The following SSBP2 variants were observed in gnomAD, a reference collection of about 807,000 sequenced individuals.
SSBP2 encodes single-stranded DNA-binding protein 2.
Under a neutral mutation model 61.8 loss-of-function variants are expected in SSBP2, and 17 were observed. That is an observed-to-expected ratio of 0.28 (90% CI 0.19 to 0.41). The LOEUF (loss-of-function observed/expected upper bound fraction) is 0.41, where lower values mean the gene tolerates loss of function less well. Ranked by LOEUF, SSBP2 falls within the 10% of genes least tolerant of loss-of-function variation. The pLI, the probability that SSBP2 is intolerant of heterozygous loss-of-function variation, is 1.00. For synonymous variants in SSBP2, 139 were observed against 141.3 expected (o/e 0.98, Z 0.12); for missense variants, 310 against 458.7 (o/e 0.68, Z 2.96).
intron 10 of SSBP2, among the ~76,000 whole-genome samples, chr5:81,449,944 C>T (rs1322244901): frequency 6.6e-6 from 1 of 152,138 alleles, no homozygotes; most frequent in Non-Finnish European, 1.5e-5. Context: ...TTTATGGCAG[C>T]AAACATTTAC....
rs148353568 is a variant in SSBP2 at position 81,673,137 on chromosome 5, G to A, written c.63-22798C>T. Reference sequence around the variant, plus strand: ...ATTACAGGCATGAGCCACCACACTCGGTCCAGATATTTACTTTCTAATCAC... The same window carrying A: ...ATTACAGGCATGAGCCACCACACTCAGTCCAGATATTTACTTTCTAATCAC... On this transcript the variant is annotated intron_variant, in intron 1 of 16. Transcript: ENST00000320672. Among the ~76,000 whole-genome samples, 336 of 152,192 alleles carry A rather than the reference G, an allele frequency of 2.2e-3. 1 individual carries two copies. The highest frequency in any genetic ancestry group is 0.014 in the Middle Eastern group (4 of 294).
At chr5:81,665,739 A>C (rs1022406826) in intron 1 of SSBP2, among the ~76,000 whole-genome samples, 1 of 152,166 alleles carries the variant, frequency 6.6e-6, no homozygotes, top group African/African-American at 2.4e-5. Flanking sequence ...TCCTGACCTC[A>C]GGTGATCTAC....
chr5:81,535,284 A>C (rs1770722096), intron 4 of SSBP2, among the ~76,000 whole-genome samples: 1 of 152,142 alleles, frequency 6.6e-6, no homozygotes, highest in African/African-American at 2.4e-5. Context: ...CAAAGAACTA[A>C]ATAAATGGAG....
intron 1 of SSBP2, among the ~76,000 whole-genome samples, chr5:81,700,208 G>A (rs1434451443): frequency 6.6e-6 from 1 of 152,146 alleles, no homozygotes; most frequent in Non-Finnish European, 1.5e-5. Flanking sequence ...ATAGGTTACA[G>A]AATGGATGTT....
At chr5:81,586,994 C>T (rs1775106314) in intron 4 of SSBP2, among the ~76,000 whole-genome samples, 1 of 152,136 alleles carries the variant, frequency 6.6e-6, no homozygotes, top group Non-Finnish European at 1.5e-5. Flanking sequence ...TCCTGTGTTA[C>T]TCCACTAAGA....
rs529716306 is a variant in SSBP2, at chr5:81,616,789, T to C, written c.198-1232A>G. 4.3e-4 allele frequency among the ~76,000 whole-genome samples: 66 copies of C among 151,936 alleles called. 4 individuals are homozygous for C. The South Asian group carries it at 0.013, about 31-fold the overall frequency. On this transcript the variant is annotated intron_variant, in intron 3 of 16. Coordinates refer to ENST00000320672, the MANE Select transcript of SSBP2 (RefSeq NM_012446.5). Reference sequence around the variant, plus strand: ...CAGACTGCCTCCTCAAGTGGGTCCCTGACCCCTGTGCCCCGAGCAGCCTAA... The same window carrying C: ...CAGACTGCCTCCTCAAGTGGGTCCCCGACCCCTGTGCCCCGAGCAGCCTAA...
intron 1 of SSBP2, among the ~76,000 whole-genome samples, chr5:81,715,757 C>T (rs2153953742): frequency 6.6e-6 from 1 of 152,162 alleles, no homozygotes; most frequent in South Asian, 2.1e-4. Context: ...TATGTGACTA[C>T]ATTAACAAGA....
chr5:81,595,938 A>G (rs1743697793), intron 4 of SSBP2, among the ~76,000 whole-genome samples: 1 of 152,220 alleles, frequency 6.6e-6, no homozygotes, highest in African/African-American at 2.4e-5. Context: ...CCCTTTGAAA[A>G]CTGGCACAAG....
intron 1 of SSBP2, among the ~76,000 whole-genome samples, chr5:81,687,255 C>G (rs1561692622): frequency 1.3e-5 from 2 of 152,222 alleles, no homozygotes; most frequent in African/African-American, 4.8e-5. Context: ...CAGCAGAGAG[C>G]AACACCGAAC....
intron 4 of SSBP2, among the ~76,000 whole-genome samples, chr5:81,608,799 G>A (rs957526380): frequency 2.0e-5 from 3 of 152,110 alleles, no homozygotes; most frequent in Admixed American, 6.5e-5. Flanking sequence ...GTCAGATGCA[G>A]AAATAGCTAT....
intron 1 of SSBP2, among the ~76,000 whole-genome samples, chr5:81,673,773 C>T (rs774495300): frequency 1.3e-5 from 2 of 152,150 alleles, no homozygotes; most frequent in African/African-American, 2.4e-5. Context: ...AAGACGTTGG[C>T]ACTAAATCAA....
intron 4 of SSBP2, among the ~76,000 whole-genome samples, chr5:81,562,483 CAG>C (rs536200270): frequency 7.8e-4 from 119 of 152,110 alleles, no homozygotes; most frequent in African/African-American, 2.7e-3. Context: ...AACAACCAAA[CAG>C]AAATCAAAAC....
intron 15 of SSBP2, among the ~76,000 whole-genome samples, chr5:81,436,185 C>CAAAAA (rs34499225): frequency 5.9e-4 from 32 of 54,564 alleles, no homozygotes; most frequent in East Asian, 1.3e-3. Flanking sequence ...AAGACTCCAT[C>CAAAAA]AAAAAAAAAA....
At chr5:81,650,912 T>C (rs1193067739) in intron 1 of SSBP2, among the ~76,000 whole-genome samples, 1 of 152,180 alleles carries the variant, frequency 6.6e-6, no homozygotes. Flanking sequence ...AACTACAGCA[T>C]TATGTAAACT....
chr5:81,732,954 TTC>T (rs1033637646), intron 1 of SSBP2, among the ~76,000 whole-genome samples: 3 of 152,312 alleles, frequency 2.0e-5, no homozygotes, highest in African/African-American at 7.2e-5. Context: ...AAAAGATGAT[TTC>T]TGTCTTTTAA....
rs922751629 is a variant in SSBP2 at position 81,420,363 on chromosome 5, G to C, written c.*141C>G. 2 of 743,988 alleles carry C rather than the reference G, an allele frequency of 2.7e-6. No individual in the cohort carries two copies. Among genetic ancestry groups the C allele is most frequent in the African/African-American group, 1.8e-5 (1 of 56,638 alleles). 46.1% of individuals were successfully genotyped at this position (743,988 alleles called of 1,614,324 possible). On this transcript the variant is annotated 3_prime_UTR_variant, in exon 17 of 17. Transcript: ENST00000320672. ...CCCGCTTTCTTCACAAAAGAGGGGA[G>C]AGAGCAGGAAATAAAAAGGTTGGTT...
chr5:81,580,195 A>G (rs1774535318), intron 4 of SSBP2, among the ~76,000 whole-genome samples: 1 of 152,118 alleles, frequency 6.6e-6, no homozygotes, highest in Non-Finnish European at 1.5e-5. Flanking sequence ...TATGGACTTT[A>G]GGAGGCAAAC....
At chr5:81,644,281 A>AT (rs1372435293) in intron 2 of SSBP2, among the ~76,000 whole-genome samples, 1 of 152,106 alleles carries the variant, frequency 6.6e-6, no homozygotes, top group African/African-American at 2.4e-5. Flanking sequence ...TTTTGTTTTT[A>AT]TTTTTTTGAC....
At chr5:81,555,936 A>T (rs751965636) in intron 4 of SSBP2, among the ~76,000 whole-genome samples, 8 of 152,100 alleles carry the variant, frequency 5.3e-5, no homozygotes, top group Non-Finnish European at 1.0e-4. Context: ...AAATGAGCAG[A>T]TAGTAAATAT....
Sources: allele counts gnomAD v4.1 joint callset (sites outside exome capture counted in the v4.1 genomes callset), GRCh38; gene constraint gnomAD v4.1.1; transcripts MANE v1.5; gene names NCBI Gene and HGNC (gene_info 2026-07-23, HGNC 2026-07-21).